VPS13D: variants seen among roughly 807,000 people sequenced by gnomAD.
VPS13D encodes vacuolar protein sorting 13 homolog D, also known as intermembrane lipid transfer protein VPS13D.
VPS13D carries 187 observed loss-of-function variants against 461.9 expected under a neutral mutation model. The ratio of observed to expected loss-of-function variants is 0.40; its 90% CI spans 0.36 to 0.46. VPS13D has a LOEUF of 0.46. Ranked by LOEUF, VPS13D falls within the 20% of genes least tolerant of loss-of-function variation. The pLI is 0.60. For synonymous variants in VPS13D, 1,951 were observed against 1,986.3 expected (o/e 0.98, Z 0.47); for missense variants, 4,711 against 5,364.9 (o/e 0.88, Z 3.81).
chr1:12,415,087 G>T lies in VPS13D; in HGVS notation c.12031G>T (p.Ala4011Ser). Residue 4011 changes from alanine (A) to serine (S), a missense_variant and splice_region_variant, in exon 64 of 70, where the codon GCC (alanine) becomes TCC (serine). Physicochemically the swap from Ala to Ser is moderately conservative, Grantham distance 99. Around this residue, in one of 3 missense-constraint regions of VPS13D, gnomAD observed 4,411 missense variants for 4,937.8 expected, o/e 0.89. Coordinates refer to ENST00000620676, the MANE Select transcript of VPS13D (RefSeq NM_015378.4). ...TSNKLPLDLKALKSTLGFPLI... is the reference protein window; with the variant it reads ...TSNKLPLDLKSLKSTLGFPLI... ...GTCATTTCCTTTCTTCCCTAATTAG[G>T]CCCTAAAAAGCACCTTGGGGTTTCC... 1 of 1,613,640 alleles carries T rather than the reference G, an allele frequency of 6.2e-7. No homozygotes were observed. The highest frequency in any genetic ancestry group is 8.5e-7 in the Non-Finnish European group (1 of 1,179,812).
At chr1:12,266,830 A>T (rs979112421) in intron 13 of VPS13D, 51 bp from the exon 14 acceptor site, 1 of 1,392,694 alleles carries the variant, frequency 7.2e-7, no homozygotes, top group African/African-American at 1.5e-5. Flanking sequence ...TTTCAAAAAC[A>T]CATTAGGCTC....
In VPS13D at chr1:12,288,321, G is replaced by T; in HGVS notation, c.5725+8G>T. 6.2e-7 allele frequency: 1 copy of T among 1,613,732 alleles called. No homozygotes were observed. Among genetic ancestry groups the T allele is most frequent in the Non-Finnish European group, 8.5e-7 (1 of 1,179,646 alleles). On this transcript the variant is annotated splice_region_variant and intron_variant, in intron 22 of 69. Coordinates refer to ENST00000620676, the MANE Select transcript of VPS13D (RefSeq NM_015378.4). ...CACACCTGGAAATGATTGGTAAGTG[G>T]TGGGGGGTGGAGGGAAGCAAACTTG...
intron 18 of VPS13D, among the ~76,000 whole-genome samples, chr1:12,273,440 A>G (rs1014328577): frequency 1.3e-5 from 2 of 152,240 alleles, no homozygotes; most frequent in Non-Finnish European, 2.9e-5. Flanking sequence ...TTTTAAATGT[A>G]TAGTGCGGTT....
At chr1:12,362,583 G>A (rs1235987552) in intron 50 of VPS13D, 137 bp from the exon 51 acceptor site, 2 of 849,268 alleles carry the variant, frequency 2.4e-6, no homozygotes, top group Non-Finnish European at 3.7e-6. Context: ...TACATTCCTA[G>A]AAGGTTCAAT....
intron 37 of VPS13D, among the ~76,000 whole-genome samples, 183 bp downstream of exon 37, chr1:12,330,101 A>G (rs952176142): frequency 6.6e-5 from 10 of 152,174 alleles, no homozygotes; most frequent in Admixed American, 3.3e-4. Context: ...CTAAAAACAT[A>G]TCTGATATGT....
chr1:12,318,475 G>A (rs1569892325), intron 31 of VPS13D, 138 bp downstream of exon 31: 1 of 1,128,544 alleles, frequency 8.9e-7, no homozygotes, highest in Non-Finnish European at 1.2e-6. Flanking sequence ...AGACCTGCAA[G>A]CATCAGAGGT....
chr1:12,409,102 T>G (rs2101696691), intron 63 of VPS13D, among the ~76,000 whole-genome samples: 1 of 149,404 alleles, frequency 6.7e-6, no homozygotes, highest in East Asian at 1.9e-4. Context: ...TGTGTGTGTT[T>G]GTGTTTAATT....
chr1:12,249,610 C>T lies in VPS13D; in HGVS notation c.564+271C>T, dbSNP rs183772174. On this transcript the variant is annotated intron_variant, in intron 6 of 69. Coordinates refer to ENST00000620676, the MANE Select transcript of VPS13D (RefSeq NM_015378.4). Reference sequence around the variant, plus strand: ...AGGATTTTATTTTTGATTTTTTTCTCGTGTTATGTACACTCCCTGGGTAAA... The same window carrying T: ...AGGATTTTATTTTTGATTTTTTTCTTGTGTTATGTACACTCCCTGGGTAAA... The T allele has an allele frequency of 2.0e-3, 525 of 263,702 alleles. 1 individual carries two copies. Among genetic ancestry groups the T allele is most frequent in the Non-Finnish European group, 3.4e-3 (471 of 138,754 alleles). The allele number at this position is 263,702 out of a possible 1,614,324, so 16.3% of individuals were successfully genotyped here.
Position 12,263,822 on chromosome 1 carries a change from T to G in VPS13D, c.1594+1742T>G, listed in dbSNP as rs180880620. ...AGGCACTATTTAAAATTCCTTCTGC[T>G]AGGAAACTTCTAATGGTGTTTGTGT... On this transcript the variant is annotated intron_variant, in intron 13 of 69. Transcript: ENST00000620676. Among the ~76,000 whole-genome samples, 21 of 152,384 alleles carry G rather than the reference T, an allele frequency of 1.4e-4. No individual in the cohort carries two copies. In the East Asian group the frequency reaches 4.0e-3, roughly 29 times the overall value.
At chr1:12,284,463 G>A (rs1328889822) in intron 21 of VPS13D, among the ~76,000 whole-genome samples, 4 of 152,150 alleles carry the variant, frequency 2.6e-5, no homozygotes, top group Admixed American at 6.5e-5. Context: ...CATACTGTAA[G>A]TATTAAGAAA....
At chr1:12,397,242 G>GT (rs1321725831) in intron 60 of VPS13D, among the ~76,000 whole-genome samples, 7 of 152,138 alleles carry the variant, frequency 4.6e-5, no homozygotes, top group Admixed American at 1.3e-4. Context: ...CCAAAAAGTT[G>GT]TTTTTTCCTA....
At chr1:12,340,211 G>T (rs538406628) in intron 40 of VPS13D, among the ~76,000 whole-genome samples, 8 of 152,096 alleles carry the variant, frequency 5.3e-5, no homozygotes, top group African/African-American at 1.4e-4. Flanking sequence ...CAAACTTTGG[G>T]AGCTAAGTAA....
intron 33 of VPS13D, 30 bp downstream of exon 33, chr1:12,321,994 G>A: frequency 1.2e-6 from 2 of 1,611,016 alleles, no homozygotes; most frequent in Non-Finnish European, 1.7e-6. Flanking sequence ...GCAATACGTT[G>A]ATATGCTCTC....
rs183369827 is a variant in VPS13D, at chr1:12,422,716, C to T, written c.12333+5889C>T. 3.3e-5 allele frequency among the ~76,000 whole-genome samples: 5 copies of T among 152,230 alleles called. No individual in the cohort carries two copies. The East Asian group carries it at 9.6e-4, about 29-fold the overall frequency. ...GGCTTGGTGAGAGACCCTTTATATA[C>T]ATTGTCTTCTGTATGTTAAGCTCTA... is the stretch of plus-strand genomic sequence containing the variant. On this transcript the variant is annotated intron_variant, in intron 65 of 69. Transcript: ENST00000620676.
In VPS13D at chr1:12,495,603, TAGTC is replaced by T. The variant is rs1049128110; in HGVS notation, c.12663-1894_12663-1891del. Among the ~76,000 whole-genome samples the T allele has an allele frequency of 6.6e-6, 1 of 152,106 alleles. No individual in the cohort carries two copies. Among genetic ancestry groups the T allele is most frequent in the Non-Finnish European group, 1.5e-5 (1 of 68,018 alleles). On this transcript the variant is annotated intron_variant, in intron 67 of 69. Transcript: ENST00000620676. This position sits in a 1 kb window ranked among gnomAD's most constrained non-coding sequence, Gnocchi z 4.0. ...GTTAGTTATGATCGAGATGGAGAAA[TAGTC>T]AGATTTGGGATATATATTGAATTTG...
At chr1:12,504,136 G>C (rs553338484) in intron 68 of VPS13D, among the ~76,000 whole-genome samples, 1 of 152,002 alleles carries the variant, frequency 6.6e-6, no homozygotes, top group Non-Finnish European at 1.5e-5. Flanking sequence ...GTGTTTGGCA[G>C]ATTTTGTAAA....
intron 32 of VPS13D, among the ~76,000 whole-genome samples, chr1:12,320,329 T>C (rs1643003315): frequency 1.3e-5 from 2 of 152,196 alleles, no homozygotes; most frequent in South Asian, 4.1e-4. Context: ...CAGGTTCTTG[T>C]TTCTATCAGA....
chr1:12,327,536 C>T, intron 35 of VPS13D, 112 bp from the exon 36 acceptor site: 2 of 734,602 alleles, frequency 2.7e-6, no homozygotes, highest in South Asian at 1.6e-5. Context: ...GATCAAGGCT[C>T]TCTTGGCTTC....
chr1:12,329,909 GCT>G lies in VPS13D; in HGVS notation c.8281_8282del (p.Leu2761PhefsTer8), dbSNP rs1643286599. 1 of 1,612,816 alleles carries G rather than the reference GCT, an allele frequency of 6.2e-7. No homozygotes were observed. The highest frequency in any genetic ancestry group is 8.5e-7 in the Non-Finnish European group (1 of 1,179,444). On this transcript the variant is annotated frameshift_variant, in exon 37 of 70. Coordinates refer to ENST00000620676, the MANE Select transcript of VPS13D (RefSeq NM_015378.4). LOFTEE classifies it high-confidence loss of function. ...FTLSGDYYNR[A>X]LSGWEPFIEP... ...CCTTTCTGGAGATTATTATAACCGT[GCT>G]CTTTCAGGTCAGTATAAAGCATATG...
Sources: gnomAD v4.1 joint callset for allele counts (sites outside exome capture counted in the v4.1 genomes callset) on GRCh38, gnomAD v4.1.1 for gene constraint, gnomAD v4.1.1 regional missense constraint, Gnocchi (gnomAD v3.1) non-coding constraint, MANE v1.5 for transcripts, NCBI Gene and HGNC (gene_info 2026-07-23, HGNC 2026-07-21) for gene names.